SHC4: variants seen among roughly 807,000 people sequenced by gnomAD.
SHC4 encodes SHC-transforming protein 4.
SHC4 carries 41 observed loss-of-function variants against 69.4 expected under a neutral mutation model. The observed-to-expected ratio is 0.59, with a 90% CI of 0.46 to 0.77. The LOEUF (loss-of-function observed/expected upper bound fraction) is 0.77. Ranked by LOEUF, SHC4 falls within the 30% of genes least tolerant of loss-of-function variation. The pLI, the probability that SHC4 is intolerant of heterozygous loss-of-function variation, is 0.00. For missense variants in SHC4, 777 were observed against 783.8 expected, an observed-to-expected ratio of 0.99 and a Z score of 0.10; for synonymous variants, 318 against 299.3, an observed-to-expected ratio of 1.06 and a Z score of -0.64.
At chr15:48,885,190 G>A (rs1160583528) in intron 3 of SHC4, among the ~76,000 whole-genome samples, 1 of 152,198 alleles carries the variant, frequency 6.6e-6, no homozygotes, top group Non-Finnish European at 1.5e-5. Flanking sequence ...AAGCACTGGG[G>A]TCATATGTCA....
intron 2 of SHC4, among the ~76,000 whole-genome samples, chr15:48,897,112 C>T (rs1650453827): frequency 6.6e-6 from 1 of 152,206 alleles, no homozygotes; most frequent in African/African-American, 2.4e-5. Flanking sequence ...AGCTAGCAAA[C>T]ATTCAGCAAG....
chr15:48,878,306 C>G, intron 4 of SHC4: 1 of 1,613,730 alleles, frequency 6.2e-7, no homozygotes, highest in African/African-American at 1.3e-5. Flanking sequence ...ATCCCTGCGT[C>G]CCTCCCGCAG....
chr15:48,878,509 T>C (rs1899872232), intron 4 of SHC4: 2 of 1,613,880 alleles, frequency 1.2e-6, no homozygotes, highest in Non-Finnish European at 1.7e-6. Context: ...ACTACGACTA[T>C]CCCGAAGAGG....
At chr15:48,890,965 T>G (rs1900125884) in intron 2 of SHC4, among the ~76,000 whole-genome samples, 154 bp from the exon 3 acceptor site, 2 of 152,174 alleles carry the variant, frequency 1.3e-5, no homozygotes, top group Admixed American at 6.5e-5. Context: ...CAGGAGGAAA[T>G]GCTGTACTTA....
intron 2 of SHC4, among the ~76,000 whole-genome samples, chr15:48,903,607 T>G (rs1900353408): frequency 1.3e-5 from 2 of 152,174 alleles, no homozygotes; most frequent in Non-Finnish European, 2.9e-5. Context: ...GACCTCATTT[T>G]AAAATCACTG....
In SHC4 at chr15:48,824,720, A is replaced by G. The variant is rs1898653270; in HGVS notation, c.*1251T>C. The G allele has an allele frequency of 6.6e-6, 1 of 152,432 alleles. No individual in the cohort carries two copies. Among genetic ancestry groups the G allele is most frequent in the South Asian group, 2.1e-4 (1 of 4,832 alleles). The allele number at this position is 152,432 out of a possible 1,614,324, so 9.4% of individuals were successfully genotyped here. A position where few individuals can be genotyped will look rare whatever the true frequency, so the allele number is the denominator to read the frequency against. On this transcript the variant is annotated 3_prime_UTR_variant, in exon 12 of 12. Coordinates refer to ENST00000332408, the MANE Select transcript of SHC4 (RefSeq NM_203349.4). The stretch of plus-strand genomic sequence containing the variant: ...TTTTTAGAGACTCATACTATAAGTT[A>G]GGACTGAAGTAGTCCTCCAAATTCA...
At chr15:48,848,762 C>T (rs374214846) in intron 9 of SHC4, among the ~76,000 whole-genome samples, 5 of 152,014 alleles carry the variant, frequency 3.3e-5, no homozygotes, top group Admixed American at 6.5e-5. Context: ...CTTGAATTAA[C>T]GTTAAAATAC....
intron 1 of SHC4, among the ~76,000 whole-genome samples, chr15:48,959,064 C>A (rs758294509): frequency 4.6e-5 from 7 of 151,918 alleles, no homozygotes; most frequent in Non-Finnish European, 7.4e-5. Flanking sequence ...AATGAAGAAC[C>A]ATTTTTTAAA....
intron 2 of SHC4, among the ~76,000 whole-genome samples, chr15:48,916,197 TA>T (rs1479075402): frequency 6.6e-6 from 1 of 152,100 alleles, no homozygotes; most frequent in Non-Finnish European, 1.5e-5. Context: ...AGTTGACGTT[TA>T]TTGAAAACCA....
intron 2 of SHC4, among the ~76,000 whole-genome samples, chr15:48,915,122 C>CA (rs1699918132): frequency 6.6e-6 from 1 of 152,226 alleles, no homozygotes; most frequent in Non-Finnish European, 1.5e-5. Flanking sequence ...AATCCCTTAT[C>CA]AGATATATGA....
chr15:48,863,250 C>A (rs1595736382), intron 6 of SHC4, among the ~76,000 whole-genome samples: 1 of 151,982 alleles, frequency 6.6e-6, no homozygotes, highest in African/African-American at 2.4e-5. Flanking sequence ...GTGGTTATCT[C>A]AATAACCACT....
At position 48,823,890 on chromosome 15, in the gene SHC4, T is replaced by C. The variant is rs2140959077; in HGVS notation, c.*2081A>G. ...TGTTTCCTTTTGCTTTAACTGTGTC[T>C]GTGGTATTTTTAAGTGCTGTATTTA... On this transcript the variant is annotated 3_prime_UTR_variant, in exon 12 of 12. Transcript: ENST00000332408. 6.6e-6 allele frequency: 1 copy of C among 152,256 alleles called. No individual in the cohort carries two copies. Among genetic ancestry groups the C allele is most frequent in the East Asian group, 1.9e-4 (1 of 5,200 alleles). 9.4% of individuals were successfully genotyped at this position (152,256 alleles called of 1,614,324 possible).
chr15:48,948,484 C>T (rs779505112), intron 1 of SHC4, among the ~76,000 whole-genome samples: 12 of 152,198 alleles, frequency 7.9e-5, no homozygotes, highest in Non-Finnish European at 1.8e-4. Flanking sequence ...TCCACACTTT[C>T]GGCTGTGAGT....
chr15:48,956,044 G>A (rs911132875), intron 1 of SHC4, among the ~76,000 whole-genome samples: 35 of 152,194 alleles, frequency 2.3e-4, no homozygotes, highest in African/African-American at 8.2e-4. Flanking sequence ...GATATGTGAA[G>A]GTCTAGAGAG....
At chr15:48,865,716 T>A (rs1284992155) in intron 6 of SHC4, among the ~76,000 whole-genome samples, 1 of 152,184 alleles carries the variant, frequency 6.6e-6, no homozygotes, top group African/African-American at 2.4e-5. Context: ...AACCTTGATT[T>A]GGACTGTTTC....
At chr15:48,855,285 A>G (rs1899289070) in intron 8 of SHC4, among the ~76,000 whole-genome samples, 1 of 152,212 alleles carries the variant, frequency 6.6e-6, no homozygotes, top group South Asian at 2.1e-4. Flanking sequence ...CAAACATTAT[A>G]AAGAGATACA....
chr15:48,933,001 A>G lies in SHC4; in HGVS notation c.586-8052T>C, dbSNP rs571589249. On this transcript the variant is annotated intron_variant, in intron 1 of 11. Coordinates refer to ENST00000332408, the MANE Select transcript of SHC4 (RefSeq NM_203349.4). ...TAAATAATATTAACTGCTCTTTCAA[A>G]TTGAATCTCATCTAACTTAAATTTC... Among the ~76,000 whole-genome samples the G allele has an allele frequency of 3.3e-5, 5 of 152,332 alleles. No individual in the cohort carries two copies. The South Asian group carries it at 1.0e-3, about 32-fold the overall frequency.
At chr15:48,878,365 C>G in intron 4 of SHC4, 2 of 1,613,142 alleles carry the variant, frequency 1.2e-6, no homozygotes, top group African/African-American at 2.7e-5. Context: ...AGGAGGAGGC[C>G]CAGCCAATGG....
chr15:48,870,511 G>C lies in SHC4; in HGVS notation c.894+1578C>G, dbSNP rs533374771. Among the ~76,000 whole-genome samples, 3 of 152,262 alleles carry C rather than the reference G, an allele frequency of 2.0e-5. No homozygotes were observed. In the South Asian group the frequency reaches 6.2e-4, roughly 32 times the overall value. ...GTTATTTGAAAATAACTATACCCCA[G>C]GCTAAAAGATGAGGAAGTAGTAAAG... On this transcript the variant is annotated intron_variant, in intron 5 of 11. Transcript: ENST00000332408.
Sources: allele counts gnomAD v4.1 joint callset (sites outside exome capture counted in the v4.1 genomes callset), GRCh38; gene constraint gnomAD v4.1.1; transcripts MANE v1.5; gene names NCBI Gene and HGNC (gene_info 2026-07-23, HGNC 2026-07-21).